The following EYA1 variants were observed in gnomAD, a reference collection of about 807,000 sequenced individuals.
EYA1 encodes the protein protein phosphatase EYA1.
In EYA1, 16 loss-of-function variants were observed where a neutral mutation model predicts 82.0. The observed-to-expected ratio is 0.20, with a 90% CI of 0.13 to 0.30. The LOEUF (loss-of-function observed/expected upper bound fraction) is 0.30, where lower values mean the gene tolerates loss of function less well. Ranked by LOEUF, EYA1 falls within the 10% of genes least tolerant of loss-of-function variation. The probability of loss-of-function intolerance (pLI) is 1.00; values close to 1 mark genes in which losing one functional copy is unlikely to be tolerated. For missense variants in EYA1, 633 were observed against 730.7 expected (o/e 0.87, Z 1.54); for synonymous variants, 261 against 264.4 (o/e 0.99, Z 0.12).
chr8:71,310,655 A>C (rs1821236020), intron 7 of EYA1, among the ~76,000 whole-genome samples: 1 of 152,176 alleles, frequency 6.6e-6, no homozygotes, highest in African/African-American at 2.4e-5. Context: ...TTCTTTATCC[A>C]GTTTACCATT....
intron 4 of EYA1, 27 bp downstream of exon 4, chr8:71,334,070 T>C: frequency 6.6e-7 from 1 of 1,523,138 alleles, no homozygotes; most frequent in Non-Finnish European, 9.1e-7. Flanking sequence ...TTGGTGTTGA[T>C]GTGAAAATCT....
At chr8:71,448,025 T>TTTTTTTTTTTTTTTTTAGGTAACGGAG (rs935912194) in intron 2 of EYA1, among the ~76,000 whole-genome samples, 6,077 of 116,112 alleles carry the variant, frequency 0.052, 848 homozygotes, top group East Asian at 0.15. Flanking sequence ...TTTTTTTTTT[T>TTTTTTTTTTTTTTTTTAGGTAACGGAG]TCTCGCTCCG....
At chr8:71,516,122 CA>C (rs1237621260) in intron 2 of EYA1, among the ~76,000 whole-genome samples, 1 of 152,116 alleles carries the variant, frequency 6.6e-6, no homozygotes, top group Non-Finnish European at 1.5e-5. Context: ...GTCACAAAGA[CA>C]GTTTTTTGGT....
At chr8:71,474,052 G>C (rs1223949196) in intron 2 of EYA1, among the ~76,000 whole-genome samples, 3 of 152,090 alleles carry the variant, frequency 2.0e-5, no homozygotes, top group African/African-American at 7.2e-5. Context: ...CCTGTTATTG[G>C]GGGGTGCATA....
At chr8:71,376,325 G>T (rs956870637) in intron 2 of EYA1, among the ~76,000 whole-genome samples, 3 of 152,190 alleles carry the variant, frequency 2.0e-5, no homozygotes, top group Non-Finnish European at 2.9e-5. Flanking sequence ...GGCCAGGGCT[G>T]GGTGTAGGGC....
At chr8:71,512,355 A>T (rs1022509389) in intron 2 of EYA1, among the ~76,000 whole-genome samples, 20 of 152,220 alleles carry the variant, frequency 1.3e-4, no homozygotes, top group Admixed American at 4.6e-4. Context: ...AAAGTTTTTA[A>T]AAAAAAGTTT....
At chr8:71,318,357 T>C (rs1047197522) in intron 6 of EYA1, among the ~76,000 whole-genome samples, 3 of 152,208 alleles carry the variant, frequency 2.0e-5, no homozygotes, top group East Asian at 3.8e-4. Context: ...ACAAGTGAGG[T>C]TGACCAGCAG....
At chr8:71,454,596 G>C (rs1180379313) in intron 2 of EYA1, among the ~76,000 whole-genome samples, 1 of 152,146 alleles carries the variant, frequency 6.6e-6, no homozygotes, top group Non-Finnish European at 1.5e-5. Flanking sequence ...AATCAAACTA[G>C]AACTCAGGGT....
At chr8:71,218,944 A>C (rs1488157532) in intron 12 of EYA1, among the ~76,000 whole-genome samples, 1 of 151,062 alleles carries the variant, frequency 6.6e-6, no homozygotes, top group Non-Finnish European at 1.5e-5. Flanking sequence ...GTATGTTCAA[A>C]AGAATTTAAT....
chr8:71,284,087 G>A (rs1259054371), intron 9 of EYA1, among the ~76,000 whole-genome samples: 1 of 152,162 alleles, frequency 6.6e-6, no homozygotes, highest in African/African-American at 2.4e-5. Context: ...TCTCCAAGCC[G>A]TAAGTCTCAC....
At chr8:71,458,299 A>G (rs1461549112) in intron 2 of EYA1, among the ~76,000 whole-genome samples, 1 of 152,150 alleles carries the variant, frequency 6.6e-6, no homozygotes, top group African/African-American at 2.4e-5. Context: ...TAAAGTTTCT[A>G]AGAATACCAG....
At chr8:71,381,101 G>A (rs868381665) in intron 2 of EYA1, among the ~76,000 whole-genome samples, 47 of 152,272 alleles carry the variant, frequency 3.1e-4, no homozygotes, top group Non-Finnish European at 4.0e-4. Context: ...ATCAAAGCTC[G>A]AATCCATAAA....
intron 3 of EYA1, chr8:71,334,393 T>C: frequency 1.6e-6 from 1 of 607,062 alleles, no homozygotes; most frequent in South Asian, 1.8e-5. Flanking sequence ...AAGTTACCCT[T>C]TAAAAGCAGC....
chr8:71,477,359 C>A (rs966337644), intron 2 of EYA1, among the ~76,000 whole-genome samples: 7 of 152,106 alleles, frequency 4.6e-5, no homozygotes, highest in African/African-American at 1.7e-4. Flanking sequence ...AGAACTCTCA[C>A]AACTCAGCTA....
upstream of EYA1, chr8:71,362,132 T>C: frequency 1.2e-6 from 1 of 836,240 alleles, no homozygotes; most frequent in South Asian, 5.7e-5. Context: ...CTTGTAGGTC[T>C]GCCCATGGAG....
At chr8:71,372,458 C>A (rs1828137331) in intron 2 of EYA1, among the ~76,000 whole-genome samples, 1 of 152,068 alleles carries the variant, frequency 6.6e-6, no homozygotes, top group African/African-American at 2.4e-5. Flanking sequence ...TCTCAGGTAG[C>A]TAACAGAGGG....
chr8:71,219,085 G>A (rs1268883730), intron 12 of EYA1, among the ~76,000 whole-genome samples: 2 of 152,162 alleles, frequency 1.3e-5, no homozygotes, highest in Non-Finnish European at 2.9e-5. Flanking sequence ...TAACAGAGAA[G>A]GCAGTTATCC....
chr8:71,420,448 CATA>C (rs551020332), intron 2 of EYA1, among the ~76,000 whole-genome samples: 149 of 152,188 alleles, frequency 9.8e-4, no homozygotes, highest in Middle Eastern at 3.4e-3. Context: ...TAACTACATC[CATA>C]ATATTACACA....
At chr8:71,332,470 T>C (rs1416534676) in intron 4 of EYA1, among the ~76,000 whole-genome samples, 1 of 152,188 alleles carries the variant, frequency 6.6e-6, no homozygotes, top group Non-Finnish European at 1.5e-5. Context: ...CATTGGTCAC[T>C]GCCCACTATA....
Sources: allele counts gnomAD v4.1 joint callset (sites outside exome capture counted in the v4.1 genomes callset), GRCh38; gene constraint gnomAD v4.1.1; transcripts MANE v1.5; gene names NCBI Gene and HGNC (gene_info 2026-07-23, HGNC 2026-07-21).